The following NEDD9 variants were observed in gnomAD, a reference collection of about 807,000 sequenced individuals.
NEDD9 encodes the protein neural precursor cell expressed, developmentally down-regulated 9.
NEDD9 carries 26 observed loss-of-function variants against 76.6 expected under a neutral mutation model. The observed-to-expected ratio is 0.34, with a 90% CI of 0.25 to 0.47. NEDD9 has a LOEUF of 0.47. Among genes scored for constraint, NEDD9 ranks in the 20% least tolerant of loss-of-function variants. NEDD9 has a pLI of 1.00. For missense variants in NEDD9, 937 were observed against 1,058.5 expected, an observed-to-expected ratio of 0.89 and a Z score of 1.59; for synonymous variants, 392 against 414.2, an observed-to-expected ratio of 0.95 and a Z score of 0.65.
At chr6:11,371,861 T>A (rs1325398781) in intron 1 of NEDD9, among the ~76,000 whole-genome samples, 1 of 152,164 alleles carries the variant, frequency 6.6e-6, no homozygotes, top group East Asian at 1.9e-4. Flanking sequence ...AGTGGATACA[T>A]AGTAGGTGTA....
chr6:11,306,271 G>A, intron 2 of NEDD9: 1 of 516,044 alleles, frequency 1.9e-6, no homozygotes, highest in Non-Finnish European at 3.5e-6. Context: ...ATAGTCTTGT[G>A]AATGGAATCC....
chr6:11,302,020 C>A (rs1442207681), intron 3 of NEDD9, among the ~76,000 whole-genome samples: 1 of 151,888 alleles, frequency 6.6e-6, no homozygotes, highest in African/African-American at 2.4e-5. Flanking sequence ...AAGATCAGAG[C>A]AGAACTGAAG....
intron 1 of NEDD9, among the ~76,000 whole-genome samples, chr6:11,348,902 A>G (rs1762411494): frequency 6.6e-6 from 1 of 152,240 alleles, no homozygotes; most frequent in African/African-American, 2.4e-5. Context: ...AGCAATCTCA[A>G]CAAAAGCAAA....
At chr6:11,215,830 A>G (rs1303506732) in intron 1 of NEDD9, among the ~76,000 whole-genome samples, 2 of 152,174 alleles carry the variant, frequency 1.3e-5, no homozygotes, top group Non-Finnish European at 2.9e-5. Flanking sequence ...AGAAACAGAA[A>G]ACAGTAGAAA....
chr6:11,204,719 C>CAAAAAA (rs58621043), intron 2 of NEDD9, among the ~76,000 whole-genome samples: 4 of 65,168 alleles, frequency 6.1e-5, no homozygotes, highest in African/African-American at 1.4e-4. Context: ...GGGTCCGTCT[C>CAAAAAA]AAAAAAAAAA....
chr6:11,346,611 A>G (rs1762370882), intron 1 of NEDD9, among the ~76,000 whole-genome samples: 1 of 151,982 alleles, frequency 6.6e-6, no homozygotes, highest in Admixed American at 6.6e-5. Flanking sequence ...TTTCTGTTTG[A>G]GGCTGGTCTG....
chr6:11,378,870 A>G (rs1173920168), intron 1 of NEDD9, among the ~76,000 whole-genome samples: 1 of 152,230 alleles, frequency 6.6e-6, no homozygotes, highest in Non-Finnish European at 1.5e-5. Flanking sequence ...CCGTCCCCTC[A>G]GCTCACATTG....
In NEDD9 at chr6:11,252,910, T is replaced by C. The variant is rs141700436; in HGVS notation, c.13-39183A>G. On this transcript the variant is annotated intron_variant, in intron 3 of 3. Coordinates refer to the NEDD9 transcript ENST00000397378. The surrounding 1 kb of genome is among the most constrained non-coding windows in gnomAD (Gnocchi z 4.3). ...AATGTATTTTTTTTTTCTCCTAAAC[T>C]TCAAACAAGAAATCATTCTTTTGGG... Among the ~76,000 whole-genome samples the C allele has an allele frequency of 9.1e-4, 138 of 152,302 alleles. No individual in the cohort carries two copies. Among genetic ancestry groups the C allele is most frequent in the East Asian group, 6.9e-3 (36 of 5,192 alleles).
intron 2 of NEDD9, chr6:11,199,973 G>A (rs1357031785): frequency 1.2e-5 from 2 of 160,812 alleles, no homozygotes; most frequent in Admixed American, 1.3e-4. Context: ...GCGCCCAGCC[G>A]AAAAGATCTT....
intron 1 of NEDD9, among the ~76,000 whole-genome samples, chr6:11,347,718 A>G: frequency 6.6e-6 from 1 of 152,210 alleles, no homozygotes; most frequent in East Asian, 1.9e-4. Flanking sequence ...TAGATGAAGA[A>G]AAAGCTTTCA....
At chr6:11,208,498 A>G (rs1758676577) in intron 2 of NEDD9, among the ~76,000 whole-genome samples, 1 of 152,192 alleles carries the variant, frequency 6.6e-6, no homozygotes, top group Admixed American at 6.5e-5. Flanking sequence ...TAAGATCAGA[A>G]CCACCTTTCA....
At chr6:11,253,300 C>T (rs1327626920) in intron 3 of NEDD9, among the ~76,000 whole-genome samples, 1 of 152,188 alleles carries the variant, frequency 6.6e-6, no homozygotes, top group African/African-American at 2.4e-5. Context: ...GACAAGGCCT[C>T]CCCGCTTGTA....
chr6:11,264,213 G>T (rs1008925386), intron 3 of NEDD9, among the ~76,000 whole-genome samples: 1 of 152,188 alleles, frequency 6.6e-6, no homozygotes. Context: ...CCAGGGGCTG[G>T]GCAGTGGCGA....
At chr6:11,300,949 C>A (rs945725821) in intron 3 of NEDD9, among the ~76,000 whole-genome samples, 8 of 152,206 alleles carry the variant, frequency 5.3e-5, no homozygotes, top group Non-Finnish European at 1.0e-4. Context: ...TATGAAGAAA[C>A]TGCATCAATT....
At chr6:11,197,393 T>C (rs1231435245) in intron 2 of NEDD9, among the ~76,000 whole-genome samples, 1 of 152,166 alleles carries the variant, frequency 6.6e-6, no homozygotes, top group Non-Finnish European at 1.5e-5. Context: ...CCTGGGGCTC[T>C]ATGATCCAAT....
intron 3 of NEDD9, among the ~76,000 whole-genome samples, chr6:11,304,830 T>C (rs908697268): frequency 1.2e-4 from 18 of 152,208 alleles, no homozygotes; most frequent in Middle Eastern, 3.4e-3. Context: ...GGGGGAGATA[T>C]AGCATTAGGA....
intron 2 of NEDD9, among the ~76,000 whole-genome samples, chr6:11,324,561 T>C (rs1376576547): frequency 1.3e-5 from 2 of 152,248 alleles, no homozygotes; most frequent in African/African-American, 4.8e-5. Context: ...ATTAAAATTG[T>C]AATAATTTCC....
chr6:11,221,977 G>A (rs1481132871), intron 1 of NEDD9, among the ~76,000 whole-genome samples: 1 of 152,096 alleles, frequency 6.6e-6, no homozygotes, highest in Non-Finnish European at 1.5e-5. Context: ...CAGGTACTCA[G>A]GGAAGAGAAA....
chr6:11,380,120 C>G lies in NEDD9; in HGVS notation c.-214+2019G>C, dbSNP rs928763556. ...GAGGAGGATCTTCCCCCACTACAAC[C>G]CTTGAATGGATATGTGGGAAATCAA... On this transcript the variant is annotated intron_variant, in intron 1 of 3. Coordinates refer to the NEDD9 transcript ENST00000397378. Among the ~76,000 whole-genome samples, 4 of 152,192 alleles carry G rather than the reference C, an allele frequency of 2.6e-5. 1 individual carries two copies. In the South Asian group the frequency reaches 6.2e-4, roughly 24 times the overall value.
Sources: gnomAD v4.1 joint callset for allele counts (sites outside exome capture counted in the v4.1 genomes callset) on GRCh38, gnomAD v4.1.1 for gene constraint, Gnocchi (gnomAD v3.1) non-coding constraint, MANE v1.5 for transcripts, NCBI Gene and HGNC (gene_info 2026-07-23, HGNC 2026-07-21) for gene names.